Variants in THRB observed in about 807,000 individuals in gnomAD.
THRB encodes thyroid hormone receptor beta.
A neutral mutation model predicts 47.8 loss-of-function variants in THRB; 12 were observed. That is an observed-to-expected ratio of 0.25 (90% CI 0.16 to 0.41). THRB has a LOEUF of 0.41. Ranked by LOEUF, THRB falls within the 10% of genes least tolerant of loss-of-function variation. The pLI is 1.00. For missense variants in THRB, 348 were observed against 589.2 expected (o/e 0.59, Z 4.24); for synonymous variants, 218 against 212.2 (o/e 1.03, Z -0.24).
rs1360367092 is a variant in THRB, at chr3:24,299,766, C to CTTTTTTTTTTTTTTTTTTTTTTT, written c.-188-2396_-188-2395insAAAAAAAAAAAAAAAAAAAAAAA. 1.0e-4 allele frequency among the ~76,000 whole-genome samples: 6 copies of CTTTTTTTTTTTTTTTTTTTTTTT among 58,564 alleles called. 2 individuals are homozygous for CTTTTTTTTTTTTTTTTTTTTTTT. The highest frequency in any genetic ancestry group is 2.4e-4 in the African/African-American group (3 of 12,364). 38.4% of individuals were successfully genotyped at this position (58,564 alleles called of 152,430 possible). ...GCCTTGAGGCTTCTGGGGAAGTATG[C>CTTTTTTTTTTTTTTTTTTTTTTT]TTTTTTATTTATTTATTTATTTATT... On this transcript the variant is annotated intron_variant, in intron 2 of 10. Coordinates refer to ENST00000646209, the MANE Select transcript of THRB (RefSeq NM_001354712.2).
intron 1 of THRB, among the ~76,000 whole-genome samples, chr3:24,378,970 C>T (rs2065495231): frequency 1.3e-5 from 2 of 151,978 alleles, no homozygotes; most frequent in African/African-American, 4.8e-5. Context: ...ATGCCAGCAC[C>T]ATTTGAAAGC....
At chr3:24,434,844 A>C (rs551284944) in intron 1 of THRB, among the ~76,000 whole-genome samples, 2 of 152,310 alleles carry the variant, frequency 1.3e-5, no homozygotes, top group East Asian at 3.9e-4. Context: ...GAGGAAATAG[A>C]CACTAATTGA....
intron 1 of THRB, among the ~76,000 whole-genome samples, chr3:24,347,564 A>C (rs978257831): frequency 2.0e-5 from 3 of 151,140 alleles, no homozygotes; most frequent in Non-Finnish European, 3.0e-5. Context: ...ATAAATAATA[A>C]AAAAAGAATA....
chr3:24,452,998 A>T (rs1446551945), intron 1 of THRB, among the ~76,000 whole-genome samples: 1 of 152,170 alleles, frequency 6.6e-6, no homozygotes, highest in African/African-American at 2.4e-5. Flanking sequence ...ACATCCATCC[A>T]AACAAACAAC....
intron 5 of THRB, chr3:24,165,237 C>T (rs367758227): frequency 5.2e-6 from 4 of 765,090 alleles, no homozygotes; most frequent in Non-Finnish European, 7.2e-6. Context: ...GCCTGAGCAT[C>T]GCAACCGCTG....
intron 1 of THRB, among the ~76,000 whole-genome samples, chr3:24,423,038 G>A (rs781676422): frequency 2.5e-4 from 38 of 151,914 alleles, no homozygotes; most frequent in Admixed American, 5.2e-4. Context: ...ACCAAGCTGT[G>A]AGAAAGCCAA....
chr3:24,461,439 T>C (rs1163301153), intron 1 of THRB, among the ~76,000 whole-genome samples: 2 of 152,236 alleles, frequency 1.3e-5, no homozygotes, highest in African/African-American at 4.8e-5. Flanking sequence ...GTACTGTTAG[T>C]ATTACTTGCT....
chr3:24,241,931 A>C (rs2049559367), intron 3 of THRB, among the ~76,000 whole-genome samples: 1 of 152,122 alleles, frequency 6.6e-6, no homozygotes, highest in Admixed American at 6.5e-5. Flanking sequence ...GCCACAAATT[A>C]GAAGGTCTTC....
At chr3:24,310,028 G>A (rs1021564437) in intron 2 of THRB, among the ~76,000 whole-genome samples, 1 of 152,124 alleles carries the variant, frequency 6.6e-6, no homozygotes, top group Non-Finnish European at 1.5e-5. Flanking sequence ...GAGTACGGGG[G>A]CAGGCGAGTG....
At chr3:24,283,098 C>T (rs1469013754) in intron 3 of THRB, among the ~76,000 whole-genome samples, 9 of 150,958 alleles carry the variant, frequency 6.0e-5, no homozygotes, top group East Asian at 1.9e-4. Context: ...CCAGCATCAT[C>T]CTGATACCAA....
At chr3:24,192,140 C>T (rs1376151888) in intron 4 of THRB, among the ~76,000 whole-genome samples, 1 of 152,194 alleles carries the variant, frequency 6.6e-6, no homozygotes, top group Non-Finnish European at 1.5e-5. Flanking sequence ...GGTGCAATTA[C>T]AGGCACTTAT....
intron 1 of THRB, among the ~76,000 whole-genome samples, chr3:24,367,081 A>G (rs1048177199): frequency 2.0e-5 from 3 of 152,234 alleles, no homozygotes; most frequent in East Asian, 3.8e-4. Context: ...AATGTGTGCT[A>G]AACACTAGCT....
At chr3:24,269,573 G>T (rs549613086) in intron 3 of THRB, among the ~76,000 whole-genome samples, 1 of 151,532 alleles carries the variant, frequency 6.6e-6, no homozygotes, top group East Asian at 1.9e-4. Flanking sequence ...CTACAGGTGT[G>T]TGCCACTACA....
chr3:24,274,216 C>G (rs1455388343), intron 3 of THRB, among the ~76,000 whole-genome samples: 1 of 152,076 alleles, frequency 6.6e-6, no homozygotes, highest in Non-Finnish European at 1.5e-5. Flanking sequence ...ATATCACTAC[C>G]ATAAATGGAA....
intron 2 of THRB, among the ~76,000 whole-genome samples, chr3:24,302,898 G>A (rs1013054608): frequency 1.3e-5 from 2 of 152,122 alleles, no homozygotes; most frequent in Non-Finnish European, 2.9e-5. Context: ...TTTGTTGAAC[G>A]AATGGCTATA....
chr3:24,259,620 C>CTTTTTTTTTT (rs10671187), intron 3 of THRB, among the ~76,000 whole-genome samples: 2 of 98,256 alleles, frequency 2.0e-5, no homozygotes, highest in African/African-American at 3.9e-5. Flanking sequence ...CTCTGCTTAC[C>CTTTTTTTTTT]TTTTTTTTTT....
Position 24,123,274 on chromosome 3 carries a change from C to T in THRB, c.1145-149G>A, listed in dbSNP as rs138762853. ...TGGATGCAGCGTGAACTCTGGTGCT[C>T]CAGGGACCAGGTACCAGGGGAGTGG... is the stretch of plus-strand genomic sequence containing the variant. On this transcript the variant is annotated intron_variant, in intron 10 of 10. Transcript: ENST00000646209. 1,633 of 1,078,906 alleles carry T rather than the reference C, an allele frequency of 1.5e-3. 24 individuals are homozygous for T. In the African/African-American group the frequency reaches 0.023, roughly 15 times the overall value. The allele number at this position is 1,078,906 out of a possible 1,614,324, so 66.8% of individuals were successfully genotyped here. A position where few individuals can be genotyped will look rare whatever the true frequency, so the allele number is the denominator to read the frequency against.
chr3:24,320,852 C>T (rs2058440145), intron 2 of THRB, among the ~76,000 whole-genome samples: 1 of 152,084 alleles, frequency 6.6e-6, no homozygotes, highest in Non-Finnish European at 1.5e-5. Context: ...GAAGGTCAAG[C>T]AGCCAGGCAC....
At chr3:24,258,302 C>T (rs952511208) in intron 3 of THRB, among the ~76,000 whole-genome samples, 2 of 152,110 alleles carry the variant, frequency 1.3e-5, no homozygotes, top group African/African-American at 4.8e-5. Flanking sequence ...GAAGGGTCTG[C>T]TGCTTGATTC....
Sources: allele counts gnomAD v4.1 joint callset (sites outside exome capture counted in the v4.1 genomes callset), GRCh38; gene constraint gnomAD v4.1.1; transcripts MANE v1.5; gene names NCBI Gene and HGNC (gene_info 2026-07-23, HGNC 2026-07-21).